KHDRBS2: variants seen among roughly 807,000 people sequenced by gnomAD.
KHDRBS2 encodes KH RNA binding domain containing, signal transduction associated 2.
Under a neutral mutation model 44.3 loss-of-function variants are expected in KHDRBS2, and 26 were observed. The ratio of observed to expected loss-of-function variants is 0.59; its 90% CI spans 0.43 to 0.81. The LOEUF is 0.81. Among genes scored for constraint, KHDRBS2 ranks in the 40% least tolerant of loss-of-function variants. The pLI, the probability that KHDRBS2 is intolerant of heterozygous loss-of-function variation, is 0.00. For synonymous variants in KHDRBS2, 194 were observed against 151.1 expected (o/e 1.28, Z -2.08); for missense variants, 476 against 433.1 (o/e 1.10, Z -0.88).
At chr6:61,800,535 A>C (rs1786089284) in intron 6 of KHDRBS2, among the ~76,000 whole-genome samples, 1 of 152,084 alleles carries the variant, frequency 6.6e-6, no homozygotes, top group African/African-American at 2.4e-5. Context: ...CAGTTCATTT[A>C]CTTTCTTTTA....
chr6:61,793,327 G>T (rs761798574), intron 6 of KHDRBS2, among the ~76,000 whole-genome samples: 10 of 151,814 alleles, frequency 6.6e-5, no homozygotes, highest in Non-Finnish European at 1.2e-4. Context: ...CATTGTGTAG[G>T]GTCAGTTTTT....
At chr6:61,982,554 C>T (rs1168308480) in intron 3 of KHDRBS2, among the ~76,000 whole-genome samples, 2 of 151,650 alleles carry the variant, frequency 1.3e-5, no homozygotes, top group Admixed American at 6.6e-5. Flanking sequence ...GCCTGTAATC[C>T]CAGCTACTCC....
intron 6 of KHDRBS2, among the ~76,000 whole-genome samples, chr6:61,741,378 T>C (rs1334017603): frequency 6.6e-6 from 1 of 151,976 alleles, no homozygotes; most frequent in Non-Finnish European, 1.5e-5. Context: ...CACATAAAAA[T>C]AGTTTAGAAA....
At chr6:61,894,508 G>T (rs879655273) in intron 6 of KHDRBS2, 127 bp downstream of exon 6, 52 of 736,550 alleles carry the variant, frequency 7.1e-5, no homozygotes, top group Admixed American at 4.3e-4. Flanking sequence ...AAATTCTGTT[G>T]TAAATGACAT....
the KHDRBS2 span, among the ~76,000 whole-genome samples, chr6:61,623,880 G>C: frequency 6.6e-6 from 1 of 152,160 alleles, no homozygotes; most frequent in Non-Finnish European, 1.5e-5. Flanking sequence ...TTCAGGGATG[G>C]CTTTAAAACA....
intron 4 of KHDRBS2, among the ~76,000 whole-genome samples, chr6:61,911,184 C>T (rs1278271945): frequency 6.6e-6 from 1 of 152,158 alleles, no homozygotes; most frequent in East Asian, 1.9e-4. Flanking sequence ...GAATTCTAGG[C>T]CTTCCTCTGG....
At chr6:61,797,591 G>A (rs1398511910) in intron 6 of KHDRBS2, among the ~76,000 whole-genome samples, 4 of 151,948 alleles carry the variant, frequency 2.6e-5, no homozygotes, top group African/African-American at 9.7e-5. Flanking sequence ...GCCTCCCTGG[G>A]AAATGTCAAA....
At chr6:61,619,888 G>C in the KHDRBS2 span, among the ~76,000 whole-genome samples, 2 of 152,220 alleles carry the variant, frequency 1.3e-5, no homozygotes, top group East Asian at 3.9e-4. Flanking sequence ...ACATATATAT[G>C]CAAGTATCTT....
intron 2 of KHDRBS2, among the ~76,000 whole-genome samples, chr6:62,060,591 G>GTCTCTC (rs142998625): frequency 6.9e-6 from 1 of 145,768 alleles, no homozygotes; most frequent in Admixed American, 6.9e-5. Flanking sequence ...AATAGTAAAG[G>GTCTCTC]TCTCTCTCTC....
At chr6:62,119,506 T>C (rs751147694) in intron 2 of KHDRBS2, among the ~76,000 whole-genome samples, 4 of 152,140 alleles carry the variant, frequency 2.6e-5, no homozygotes, top group Non-Finnish European at 5.9e-5. Flanking sequence ...GCTCTTATCA[T>C]GCAAGTGGCT....
chr6:62,107,178 G>T (rs1302500395), intron 2 of KHDRBS2, among the ~76,000 whole-genome samples: 3 of 151,802 alleles, frequency 2.0e-5, no homozygotes, highest in Admixed American at 6.6e-5. Context: ...TGACATGATT[G>T]TATATCTAGA....
intron 6 of KHDRBS2, among the ~76,000 whole-genome samples, chr6:61,837,728 C>T (rs1475453235): frequency 6.6e-6 from 1 of 151,960 alleles, no homozygotes; most frequent in Admixed American, 6.6e-5. Flanking sequence ...CAGACTACTG[C>T]CTTATGTACA....
intron 6 of KHDRBS2, among the ~76,000 whole-genome samples, chr6:61,825,076 TA>T (rs1790622235): frequency 6.6e-6 from 1 of 152,152 alleles, no homozygotes; most frequent in African/African-American, 2.4e-5. Flanking sequence ...ATCTTCATTT[TA>T]ATATTTATGT....
chr6:61,786,062 T>A (rs1490065805), intron 6 of KHDRBS2, among the ~76,000 whole-genome samples: 2 of 151,656 alleles, frequency 1.3e-5, no homozygotes, highest in African/African-American at 4.8e-5. Context: ...CACACACACA[T>A]AGTTCCCTGA....
chr6:61,997,983 G>A (rs1053705306), intron 3 of KHDRBS2, among the ~76,000 whole-genome samples: 14 of 152,220 alleles, frequency 9.2e-5, no homozygotes, highest in African/African-American at 3.1e-4. Flanking sequence ...GAATTAACCG[G>A]CCTGGTTTAC....
At chr6:62,013,824 G>T (rs1444734828) in intron 3 of KHDRBS2, among the ~76,000 whole-genome samples, 3 of 152,136 alleles carry the variant, frequency 2.0e-5, no homozygotes, top group African/African-American at 7.2e-5. Context: ...TCTGGAACCC[G>T]ATGACATAAA....
At chr6:62,122,726 A>C in intron 2 of KHDRBS2, among the ~76,000 whole-genome samples, 1 of 125,620 alleles carries the variant, frequency 8.0e-6, no homozygotes, top group African/African-American at 3.3e-5. Flanking sequence ...GAAAGTGGAC[A>C]GCTGCCGCAG....
At chr6:62,228,416 CTTCT>C (rs1832294970) in intron 1 of KHDRBS2, among the ~76,000 whole-genome samples, 1 of 151,902 alleles carries the variant, frequency 6.6e-6, no homozygotes, top group South Asian at 2.1e-4. Context: ...TTTCTCTTCT[CTTCT>C]TTATTAGTCT....
chr6:61,761,049 C>T (rs1008910408), intron 6 of KHDRBS2, among the ~76,000 whole-genome samples: 10 of 152,124 alleles, frequency 6.6e-5, no homozygotes, highest in Admixed American at 3.3e-4. Context: ...CTTTGCCTTC[C>T]GAATATCTTC....
Sources: allele counts gnomAD v4.1 joint callset (sites outside exome capture counted in the v4.1 genomes callset), GRCh38; gene constraint gnomAD v4.1.1; transcripts MANE v1.5; gene names NCBI Gene and HGNC (gene_info 2026-07-23, HGNC 2026-07-21).